ZFAND3: variants seen among roughly 807,000 people sequenced by gnomAD.
ZFAND3 encodes zinc finger AN1-type containing 3, also known as AN1-type zinc finger protein 3.
In ZFAND3, 10 loss-of-function variants were observed where a neutral mutation model predicts 29.6. The observed-to-expected ratio is 0.34, with a 90% confidence interval of 0.21 to 0.57. The LOEUF (loss-of-function observed/expected upper bound fraction) is 0.57, where lower values mean the gene tolerates loss of function less well. Ranked by LOEUF, ZFAND3 falls within the 20% of genes least tolerant of loss-of-function variation. The pLI is 0.86. For synonymous variants in ZFAND3, 128 were observed against 112.6 expected (o/e 1.14, Z -0.87); for missense variants, 230 against 304.5 (o/e 0.76, Z 1.82).
At chr6:37,832,710 G>A (rs1306958689) in intron 1 of ZFAND3, among the ~76,000 whole-genome samples, 2 of 151,930 alleles carry the variant, frequency 1.3e-5, no homozygotes, top group Non-Finnish European at 2.9e-5. Context: ...GTCTCGCTCT[G>A]TTGCCCAGGA....
chr6:37,974,400 C>CTTTTTT (rs1438217995), intron 2 of ZFAND3, among the ~76,000 whole-genome samples: 2 of 99,802 alleles, frequency 2.0e-5, no homozygotes, highest in African/African-American at 8.0e-5. Context: ...CTCTCTCTCT[C>CTTTTTT]TCTTTTTTTT....
At chr6:37,841,748 G>A (rs1199142259) in intron 1 of ZFAND3, among the ~76,000 whole-genome samples, 2 of 152,190 alleles carry the variant, frequency 1.3e-5, no homozygotes, top group African/African-American at 4.8e-5. Context: ...CCCCCAAAGC[G>A]CTGGGATTAC....
intron 1 of ZFAND3, among the ~76,000 whole-genome samples, chr6:37,922,100 A>C (rs1426238966): frequency 1.3e-5 from 2 of 152,242 alleles, no homozygotes; most frequent in East Asian, 3.9e-4. Context: ...AAATAAAATA[A>C]AACGTTGTTG....
intron 2 of ZFAND3, among the ~76,000 whole-genome samples, chr6:38,057,763 G>A (rs1316663943): frequency 6.6e-6 from 1 of 152,266 alleles, no homozygotes; most frequent in South Asian, 2.1e-4. Flanking sequence ...CTCAGCTCTT[G>A]CATTCTCTAT....
At chr6:37,856,473 G>C (rs1238000748) in intron 1 of ZFAND3, among the ~76,000 whole-genome samples, 1 of 152,150 alleles carries the variant, frequency 6.6e-6, no homozygotes, top group Non-Finnish European at 1.5e-5. Flanking sequence ...GACTGCTTCA[G>C]ATTACACTCA....
At chr6:37,822,469 T>C (rs918568960) in intron 1 of ZFAND3, among the ~76,000 whole-genome samples, 7 of 152,214 alleles carry the variant, frequency 4.6e-5, no homozygotes, top group Non-Finnish European at 7.3e-5. Context: ...TTTGGACATG[T>C]TTCCCTTACT....
intron 1 of ZFAND3, among the ~76,000 whole-genome samples, chr6:37,923,464 C>T (rs1308175860): frequency 6.6e-6 from 1 of 152,152 alleles, no homozygotes; most frequent in Non-Finnish European, 1.5e-5. Context: ...CTGGATACCT[C>T]CTGAAAGAGC....
At chr6:37,845,137 A>G (rs918087273) in intron 1 of ZFAND3, among the ~76,000 whole-genome samples, 1 of 152,104 alleles carries the variant, frequency 6.6e-6, no homozygotes, top group African/African-American at 2.4e-5. Context: ...GAGCCTGCCC[A>G]GATTCAAGAG....
chr6:37,864,342 A>G (rs1188787751), intron 1 of ZFAND3, among the ~76,000 whole-genome samples: 1 of 152,140 alleles, frequency 6.6e-6, no homozygotes, highest in Non-Finnish European at 1.5e-5. Flanking sequence ...ATTCAAATTA[A>G]ATAGAGCTTT....
In ZFAND3 at chr6:37,901,146, T is replaced by G. The variant is rs151200506; in HGVS notation, c.72-28813T>G. ...AAGCCGTCCAATTTTTGGCAATTCATTCTGGTGCTTTCACTGTGGCCAGGC... is the reference window on the plus strand; with the variant it reads ...AAGCCGTCCAATTTTTGGCAATTCAGTCTGGTGCTTTCACTGTGGCCAGGC... On this transcript the variant is annotated intron_variant, in intron 1 of 5. Transcript: ENST00000287218. Among the ~76,000 whole-genome samples, 609 of 152,304 alleles carry G rather than the reference T, an allele frequency of 4.0e-3. 7 individuals carry two copies. Among genetic ancestry groups the G allele is most frequent in the Non-Finnish European group, 5.6e-3 (383 of 68,026 alleles).
chr6:37,891,509 G>T (rs1172255717), intron 1 of ZFAND3, among the ~76,000 whole-genome samples: 2 of 150,276 alleles, frequency 1.3e-5, no homozygotes, highest in Non-Finnish European at 2.9e-5. Flanking sequence ...TGAGGCAGGA[G>T]AATCACTTGA....
intron 2 of ZFAND3, among the ~76,000 whole-genome samples, chr6:38,010,322 A>T (rs150884321): frequency 1.3e-3 from 199 of 152,284 alleles, no homozygotes; most frequent in African/African-American, 4.6e-3. Flanking sequence ...AACCATATAG[A>T]CAGTGGCCTC....
At chr6:38,038,499 G>A (rs923719536) in intron 2 of ZFAND3, among the ~76,000 whole-genome samples, 9 of 152,168 alleles carry the variant, frequency 5.9e-5, no homozygotes, top group African/African-American at 2.2e-4. Flanking sequence ...TACTGTACAA[G>A]ATAAATTGTT....
rs187725492 is a variant in ZFAND3 at position 37,839,156 on chromosome 6, A to G, written c.71+19140A>G. ...TTTGCATGTTTTAAAATTGAGTTGT[A>G]TGCCTTTTTACTTGTAAGTTGTAAA... On this transcript the variant is annotated intron_variant, in intron 1 of 5. Coordinates refer to ENST00000287218, the MANE Select transcript of ZFAND3 (RefSeq NM_021943.3). Among the ~76,000 whole-genome samples the G allele has an allele frequency of 2.6e-5, 4 of 151,368 alleles. No homozygotes were observed. In the East Asian group the frequency reaches 7.8e-4, roughly 29 times the overall value.
At chr6:38,058,821 T>A (rs1764180538) in intron 2 of ZFAND3, among the ~76,000 whole-genome samples, 1 of 152,262 alleles carries the variant, frequency 6.6e-6, no homozygotes, top group Non-Finnish European at 1.5e-5. Context: ...ATTTATACCT[T>A]CCTTGTTAGG....
chr6:38,005,005 C>T (rs188129969), intron 2 of ZFAND3, among the ~76,000 whole-genome samples: 1 of 152,228 alleles, frequency 6.6e-6, no homozygotes, highest in Admixed American at 6.5e-5. Context: ...CAAATTCATG[C>T]AGTTGCGTGT....
intron 2 of ZFAND3, among the ~76,000 whole-genome samples, chr6:38,002,289 T>TC (rs1449305892): frequency 4.0e-4 from 61 of 151,506 alleles, no homozygotes; most frequent in South Asian, 1.0e-3. Flanking sequence ...TCTTTTCTTT[T>TC]TTTTTTTTTT....
At chr6:37,867,404 T>C (rs542786817) in intron 1 of ZFAND3, among the ~76,000 whole-genome samples, 1 of 152,340 alleles carries the variant, frequency 6.6e-6, no homozygotes, top group East Asian at 1.9e-4. Context: ...AGCTTGCTGC[T>C]GACAGGTAGC....
At chr6:37,862,720 AAAC>A (rs1189846819) in intron 1 of ZFAND3, among the ~76,000 whole-genome samples, 4 of 151,388 alleles carry the variant, frequency 2.6e-5, no homozygotes, top group African/African-American at 9.7e-5. Context: ...AAACAAAACA[AAAC>A]AAAAAAAAAA....
Sources: allele counts gnomAD v4.1 joint callset (sites outside exome capture counted in the v4.1 genomes callset), GRCh38; gene constraint gnomAD v4.1.1; transcripts MANE v1.5; gene names NCBI Gene and HGNC (gene_info 2026-07-23, HGNC 2026-07-21).